GDA: variants seen among roughly 807,000 people sequenced by gnomAD.
The protein encoded by GDA is cytoplasmic PSD-95 interactor.
In GDA, 18 loss-of-function variants were observed where a neutral mutation model predicts 59.6. The ratio of observed to expected loss-of-function variants is 0.30; its 90% CI spans 0.21 to 0.45. GDA has a LOEUF of 0.45. GDA is among the 20% of genes least tolerant of loss of function. GDA has a pLI of 1.00. For missense variants in GDA, 427 were observed against 552.3 expected (o/e 0.77, Z 2.27); for synonymous variants, 201 against 201.1 (o/e 1.00, Z 0.00).
chr9:72,154,964 G>A (rs1052415313), intron 1 of GDA, among the ~76,000 whole-genome samples: 1 of 152,138 alleles, frequency 6.6e-6, no homozygotes, highest in Non-Finnish European at 1.5e-5. Flanking sequence ...TGAAACTGAT[G>A]ATCTAGTAAT....
intron 2 of GDA, among the ~76,000 whole-genome samples, chr9:72,199,611 A>G (rs1432736682): frequency 6.6e-6 from 1 of 152,248 alleles, no homozygotes; most frequent in Non-Finnish European, 1.5e-5. Context: ...CTCTCTTTTT[A>G]GCACTTAGTG....
chr9:72,253,742 A>C (rs1030620805), downstream of GDA, among the ~76,000 whole-genome samples: 1 of 152,176 alleles, frequency 6.6e-6, no homozygotes, highest in Non-Finnish European at 1.5e-5. Flanking sequence ...TTTAGCAATA[A>C]TGTATGTCCA....
At chr9:72,225,097 C>T (rs1426062953) in intron 7 of GDA, among the ~76,000 whole-genome samples, 2 of 152,142 alleles carry the variant, frequency 1.3e-5, no homozygotes, top group African/African-American at 4.8e-5. Flanking sequence ...GCCTGGCCAA[C>T]ATGGTGAAAC....
Position 72,247,315 on chromosome 9 carries a change from T to C in GDA, c.1267-91T>C, listed in dbSNP as rs540529244. ...TTTGCCATTGAGAAACAAATTCGTA[T>C]TTCTGGGCTTTGTCAACCACTATCA... is the stretch of plus-strand genomic sequence containing the variant. On this transcript the variant is annotated intron_variant, in intron 12 of 13. Transcript: ENST00000358399. 43 of 821,830 alleles carry C rather than the reference T, an allele frequency of 5.2e-5. No individual in the cohort carries two copies. The Middle Eastern group carries it at 4.8e-3, about 92-fold the overall frequency. 50.9% of individuals were successfully genotyped at this position (821,830 alleles called of 1,614,324 possible). A position where few individuals can be genotyped will look rare whatever the true frequency, so the allele number is the denominator to read the frequency against.
chr9:72,182,987 C>G (rs1279472251), intron 1 of GDA, among the ~76,000 whole-genome samples: 1 of 152,064 alleles, frequency 6.6e-6, no homozygotes, highest in East Asian at 1.9e-4. Flanking sequence ...TGACTACTTT[C>G]TGACTATATT....
downstream of GDA, chr9:72,253,476 C>G (rs1236649762): frequency 6.6e-6 from 1 of 152,160 alleles, no homozygotes; most frequent in East Asian, 1.9e-4. Flanking sequence ...GGAAACTATC[C>G]TGAGCTTTGA....
downstream of GDA, among the ~76,000 whole-genome samples, chr9:72,258,791 C>T (rs954823389): frequency 6.6e-6 from 1 of 152,092 alleles, no homozygotes; most frequent in Non-Finnish European, 1.5e-5. Context: ...AGCTTGGACT[C>T]GGAAGAAAGA....
upstream of GDA, among the ~76,000 whole-genome samples, chr9:72,145,612 A>G (rs1351419474): frequency 4.6e-5 from 7 of 152,190 alleles, no homozygotes; most frequent in South Asian, 6.2e-4. Flanking sequence ...TAATCATGCT[A>G]TGGTCTAGGT....
At chr9:72,193,683 TCAG>T (rs1310310190) in intron 1 of GDA, 1 of 152,308 alleles carries the variant, frequency 6.6e-6, no homozygotes, top group African/African-American at 2.4e-5. Context: ...GGCTCTACAA[TCAG>T]CAGGTGGTGA....
At chr9:72,168,417 TAG>T (rs892387060) in intron 1 of GDA, among the ~76,000 whole-genome samples, 1 of 132,482 alleles carries the variant, frequency 7.5e-6, no homozygotes, top group Non-Finnish European at 1.6e-5. Context: ...TTTTTTGAGA[TAG>T]AGTCTCGCTC....
At chr9:72,122,776 A>C (rs1466842796) in intron 1 of GDA, among the ~76,000 whole-genome samples, 1 of 151,972 alleles carries the variant, frequency 6.6e-6, no homozygotes, top group African/African-American at 2.4e-5. Flanking sequence ...TGCCTCCCCC[A>C]TGTCTTCAAG....
chr9:72,240,155 T>G (rs1021998927), intron 10 of GDA, among the ~76,000 whole-genome samples: 10 of 152,196 alleles, frequency 6.6e-5, no homozygotes, highest in Non-Finnish European at 1.3e-4. Flanking sequence ...ATCACTAAAA[T>G]TTCATTCTTC....
chr9:72,234,602 A>C (rs1260874245), intron 10 of GDA, among the ~76,000 whole-genome samples: 2 of 152,160 alleles, frequency 1.3e-5, no homozygotes, highest in African/African-American at 4.8e-5. Flanking sequence ...TTTTTTTCTG[A>C]TGGAGCACCC....
chr9:72,223,199 T>G lies in GDA; in HGVS notation c.686T>G (p.Ile229Ser). 1 of 1,612,232 alleles carries G rather than the reference T, an allele frequency of 6.2e-7. No homozygotes were observed. The highest frequency in any genetic ancestry group is 8.5e-7 in the Non-Finnish European group (1 of 1,178,404). The change falls in exon 7 of 14, where the codon ATT (isoleucine) becomes AGT (serine). Residue 229 changes from isoleucine (I) to serine (S), a missense_variant. Transcript: ENST00000358399. ...SETLMGELGNIAKTRDLHIQS... is the reference protein window; with the variant it reads ...SETLMGELGNSAKTRDLHIQS... ...ACTTTGATGGGTGAACTGGGCAACA[T>G]TGCTAAAACCCGTGATTTGCACATT...
intron 1 of GDA, among the ~76,000 whole-genome samples, chr9:72,136,625 A>G (rs2130635052): frequency 6.6e-6 from 1 of 152,370 alleles, no homozygotes; most frequent in East Asian, 1.9e-4. Context: ...TTTGCCCCAG[A>G]AAGTGCTACC....
intron 1 of GDA, among the ~76,000 whole-genome samples, chr9:72,181,280 T>G (rs1422854900): frequency 6.6e-6 from 1 of 152,158 alleles, no homozygotes; most frequent in Non-Finnish European, 1.5e-5. Flanking sequence ...TCCCTTCCCT[T>G]ATCACCATTA....
rs542789886 is a variant in GDA at position 72,225,869 on chromosome 9, C to T, written c.822+85C>T. On this transcript the variant is annotated intron_variant, in intron 8 of 13. Transcript: ENST00000358399. The stretch of plus-strand genomic sequence containing the variant: ...AATCTCAATAGTAATCTTCAGATTT[C>T]TGATATGAATACATTTCTTTAAAAA... 5.6e-4 allele frequency: 359 copies of T among 641,410 alleles called. 2 individuals carry two copies. Among genetic ancestry groups the T allele is most frequent in the South Asian group, 4.4e-3 (196 of 44,922 alleles). The allele number at this position is 641,410 out of a possible 1,614,324, so 39.7% of individuals were successfully genotyped here. A position where few individuals can be genotyped will look rare whatever the true frequency, so the allele number is the denominator to read the frequency against.
At chr9:72,129,560 G>A (rs563202516) in intron 1 of GDA, among the ~76,000 whole-genome samples, 1 of 152,264 alleles carries the variant, frequency 6.6e-6, no homozygotes, top group Non-Finnish European at 1.5e-5. Flanking sequence ...ACCCACACAG[G>A]GTTCATAGTA....
intron 1 of GDA, among the ~76,000 whole-genome samples, chr9:72,186,359 C>T (rs1390962096): frequency 6.6e-6 from 1 of 152,158 alleles, no homozygotes; most frequent in Non-Finnish European, 1.5e-5. Flanking sequence ...AGCACACTCC[C>T]ATTTTGGGGT....
Sources: gnomAD v4.1 joint callset for allele counts (sites outside exome capture counted in the v4.1 genomes callset) on GRCh38, gnomAD v4.1.1 for gene constraint, MANE v1.5 for transcripts, NCBI Gene and HGNC (gene_info 2026-07-23, HGNC 2026-07-21) for gene names.